Variants in SNRK observed in about 807,000 individuals in gnomAD.
SNRK encodes SNF-related serine/threonine-protein kinase.
In SNRK, 3 loss-of-function variants were observed where a neutral mutation model predicts 48.2. That is an observed-to-expected ratio of 0.06 (90% CI 0.03 to 0.16). SNRK has a LOEUF of 0.16. Ranked by LOEUF, SNRK falls within the 10% of genes least tolerant of loss-of-function variation. The pLI is 1.00. For synonymous variants in SNRK, 376 were observed against 366.1 expected (o/e 1.03, Z -0.31); for missense variants, 627 against 976.0 (o/e 0.64, Z 4.76).
chr3:43,309,702 G>C (rs1041884686), intron 3 of SNRK, among the ~76,000 whole-genome samples: 10 of 150,374 alleles, frequency 6.7e-5, no homozygotes, highest in African/African-American at 2.4e-4. Context: ...TTGCAGACTT[G>C]AACTCCTGGG....
rs1362284704 is a variant in SNRK, at chr3:43,350,075, A to G, written c.*1518A>G. ...GACTCTGCTACTTTAGGATAAATAT[A>G]TTTTACTCAGAACTCTGAATTTCAC... On this transcript the variant is annotated 3_prime_UTR_variant, in exon 7 of 7. Transcript: ENST00000296088. 6.6e-6 allele frequency: 1 copy of G among 152,406 alleles called. No individual in the cohort carries two copies. Among genetic ancestry groups the G allele is most frequent in the African/African-American group, 2.4e-5 (1 of 41,454 alleles). 9.4% of individuals were successfully genotyped at this position (152,406 alleles called of 1,614,324 possible).
intron 3 of SNRK, among the ~76,000 whole-genome samples, chr3:43,329,528 C>G (rs2091129951): frequency 6.6e-6 from 1 of 152,130 alleles, no homozygotes; most frequent in African/African-American, 2.4e-5. Context: ...TTTGCCCTCT[C>G]TGAAACTTAG....
chr3:43,319,338 C>T (rs553601186), intron 3 of SNRK, among the ~76,000 whole-genome samples: 3 of 152,300 alleles, frequency 2.0e-5, no homozygotes, highest in African/African-American at 7.2e-5. Context: ...TACAAGTTCT[C>T]AGCCTTTGTA....
intron 1 of SNRK, among the ~76,000 whole-genome samples, chr3:43,291,246 G>A (rs1408410981): frequency 1.3e-5 from 2 of 152,176 alleles, no homozygotes; most frequent in African/African-American, 2.4e-5. Context: ...ACCGTTGCCA[G>A]TTTCAGTTCT....
intron 5 of SNRK, among the ~76,000 whole-genome samples, chr3:43,341,932 A>ATG (rs1418115473): frequency 6.6e-6 from 1 of 152,252 alleles, no homozygotes; most frequent in African/African-American, 2.4e-5. Flanking sequence ...CAAATGTATT[A>ATG]TGGTTCTTTA....
At position 43,311,550 on chromosome 3, in the gene SNRK, C is replaced by A. The variant is rs2090978983; in HGVS notation, c.589+7758C>A. On this transcript the variant is annotated intron_variant, in intron 3 of 6. Transcript: ENST00000296088. Reference sequence around the variant, plus strand: ...CAGAAAGGATAGGGGGAAAAAGGATCTGTGTGAAAAATCCTGGAATCTCTC... The same window carrying A: ...CAGAAAGGATAGGGGGAAAAAGGATATGTGTGAAAAATCCTGGAATCTCTC... 3.3e-5 allele frequency among the ~76,000 whole-genome samples: 5 copies of A among 152,276 alleles called. No individual in the cohort carries two copies. The South Asian group carries it at 1.0e-3, about 32-fold the overall frequency.
In SNRK at chr3:43,303,452, C is replaced by T. The variant is rs376627843; in HGVS notation, c.249C>T (p.Asp83=). The T allele has an allele frequency of 1.1e-4, 178 of 1,614,112 alleles. No homozygotes were observed. The African/African-American group carries it at 2.1e-3, about 19-fold the overall frequency. Residue 83 remains aspartate (D), a synonymous_variant, in exon 3 of 7, where the codon GAC becomes GAT. Transcript: ENST00000296088. The surrounding 1 kb of genome is among the most constrained non-coding windows in gnomAD (Gnocchi z 6.2). ...TCGTCCGCCTTTATGAAGTTATTGA[C>T]ACCCAGACCAAACTATATCTTATTC... ...PNIVRLYEVI[D]TQTKLYLILE...
intron 3 of SNRK, among the ~76,000 whole-genome samples, chr3:43,305,059 A>C (rs1212328463): frequency 6.6e-6 from 1 of 152,250 alleles, no homozygotes; most frequent in Non-Finnish European, 1.5e-5. Flanking sequence ...AGAGTATCTT[A>C]TTAAAAATAA....
At chr3:43,298,637 C>G (rs746868988) in intron 1 of SNRK, among the ~76,000 whole-genome samples, 1 of 152,210 alleles carries the variant, frequency 6.6e-6, no homozygotes, top group Non-Finnish European at 1.5e-5. Flanking sequence ...TTTACCTGGA[C>G]ACCTCTCACC....
At chr3:43,286,956 C>A (rs1200668582) in intron 1 of SNRK, among the ~76,000 whole-genome samples, 1 of 144,736 alleles carries the variant, frequency 6.9e-6, no homozygotes, top group African/African-American at 2.5e-5. Context: ...CGGCCGCGGT[C>A]GCCTGGAGGC....
In SNRK at chr3:43,339,818, A is replaced by AATAT. The variant is rs71083066; in HGVS notation, c.732-416_732-413dup. 4.5e-3 allele frequency among the ~76,000 whole-genome samples: 300 copies of AATAT among 66,572 alleles called. 4 individuals carry two copies. Among genetic ancestry groups the AATAT allele is most frequent in the Non-Finnish European group, 6.4e-3 (206 of 32,042 alleles). 43.7% of individuals were successfully genotyped at this position (66,572 alleles called of 152,430 possible). ...CAATGGAGTGGGACTCCATTTCCAA[A>AATAT]ATATATATATATATATATATATATA... On this transcript the variant is annotated intron_variant, in intron 4 of 6. Transcript: ENST00000296088.
rs1265692144 is a variant in SNRK, at chr3:43,347,885, G to A, written c.1626G>A (p.Glu542=). ...QGRGSSCSSS[E]TSDDDSESRR... is the part of the protein sequence containing the mutation. ...GGGGCTCCAGCTGCAGTAGTTCGGA[G>A]ACCAGTGATGATGATTCTGAAAGCC... Residue 542 remains glutamate (E), a synonymous_variant, in exon 7 of 7, where the codon GAG becomes GAA. Transcript: ENST00000296088. The surrounding 1 kb of genome is among the most constrained non-coding windows in gnomAD (Gnocchi z 5.4). 2 of 1,614,058 alleles carry A rather than the reference G, an allele frequency of 1.2e-6. No individual in the cohort carries two copies. The highest frequency in any genetic ancestry group is 4.5e-5 in the East Asian group (2 of 44,872).
chr3:43,341,833 T>C (rs187770634), intron 5 of SNRK, among the ~76,000 whole-genome samples: 6 of 152,240 alleles, frequency 3.9e-5, no homozygotes, highest in Non-Finnish European at 5.9e-5. Context: ...AAGGACACTT[T>C]AGAGTGTTTT....
At chr3:43,288,274 T>C (rs1306842408) in intron 1 of SNRK, among the ~76,000 whole-genome samples, 1 of 152,220 alleles carries the variant, frequency 6.6e-6, no homozygotes, top group Non-Finnish European at 1.5e-5. Context: ...TTTTAATTGT[T>C]CATTTTGTGC....
intron 3 of SNRK, among the ~76,000 whole-genome samples, chr3:43,318,039 TG>T (rs1420436328): frequency 6.6e-6 from 1 of 152,218 alleles, no homozygotes; most frequent in Non-Finnish European, 1.5e-5. Flanking sequence ...TATGTTTCTA[TG>T]GTGTTGCTGC....
chr3:43,304,279 T>C (rs2090918645), intron 3 of SNRK, among the ~76,000 whole-genome samples: 1 of 152,228 alleles, frequency 6.6e-6, no homozygotes, highest in South Asian at 2.1e-4. Context: ...TTTTTATCCA[T>C]AATATAATAT....
chr3:43,340,544 C>A, intron 5 of SNRK, 45 bp downstream of exon 5: 3 of 1,538,822 alleles, frequency 1.9e-6, no homozygotes, highest in Non-Finnish European at 9.0e-7. Flanking sequence ...GTTTAGGATT[C>A]TTGGAATGGG....
chr3:43,294,435 AAGTT>A (rs1380092454), intron 1 of SNRK, among the ~76,000 whole-genome samples: 9 of 152,206 alleles, frequency 5.9e-5, no homozygotes, highest in Admixed American at 2.6e-4. Flanking sequence ...GCATGAAACA[AAGTT>A]ATTACTGCAT....
At chr3:43,332,407 A>G in intron 4 of SNRK, 97 bp downstream of exon 4, 1 of 852,748 alleles carries the variant, frequency 1.2e-6, no homozygotes, top group Non-Finnish European at 1.6e-6. Context: ...GAGGACTTCA[A>G]ACATCCAAGC....
Sources: gnomAD v4.1 joint callset for allele counts (sites outside exome capture counted in the v4.1 genomes callset) on GRCh38, gnomAD v4.1.1 for gene constraint, Gnocchi (gnomAD v3.1) non-coding constraint, MANE v1.5 for transcripts, NCBI Gene and HGNC (gene_info 2026-07-23, HGNC 2026-07-21) for gene names.